The following MTRFR variants were observed in gnomAD, a reference collection of about 807,000 sequenced individuals.
MTRFR encodes probable peptide chain release factor C12orf65, mitochondrial.
Under a neutral mutation model 11.9 loss-of-function variants are expected in MTRFR, and 10 were observed. The ratio of observed to expected loss-of-function variants is 0.84; its 90% CI spans 0.52 to 1.42. MTRFR has a LOEUF of 1.42. MTRFR is among the 40% of genes most tolerant of loss of function. The probability of loss-of-function intolerance (pLI) is 0.00; values close to 1 mark genes in which losing one functional copy is unlikely to be tolerated. For missense variants in MTRFR, 196 were observed against 197.9 expected, an observed-to-expected ratio of 0.99 and a Z score of 0.06; for synonymous variants, 77 against 79.1, an observed-to-expected ratio of 0.97 and a Z score of 0.14.
intron 2 of MTRFR, chr12:123,254,951 G>A (rs977585948): frequency 6.6e-6 from 1 of 151,316 alleles, no homozygotes; most frequent in East Asian, 1.9e-4. Flanking sequence ...AAAAAAAGAA[G>A]GTTGGTCAGA....
Position 123,234,114 on chromosome 12 carries a change from A to G in MTRFR, c.-29+583A>G, listed in dbSNP as rs147761172. Among the ~76,000 whole-genome samples, 160 of 152,038 alleles carry G rather than the reference A, an allele frequency of 1.1e-3. 1 individual carries two copies. The highest frequency in any genetic ancestry group is 6.8e-3 in the Middle Eastern group (2 of 294). On this transcript the variant is annotated intron_variant, in intron 1 of 2. Transcript: ENST00000253233. Reference sequence around the variant, plus strand: ...ACCCAGCCCTACTTTTGAAGGACCAAAGGGAACTCGCTCTCCTCCCCGTGG... The same window carrying G: ...ACCCAGCCCTACTTTTGAAGGACCAGAGGGAACTCGCTCTCCTCCCCGTGG...
At chr12:123,246,981 G>A (rs557394149) in intron 1 of MTRFR, among the ~76,000 whole-genome samples, 12 of 151,582 alleles carry the variant, frequency 7.9e-5, no homozygotes, top group South Asian at 2.1e-4. Flanking sequence ...CACCTGCCTC[G>A]GCCTCCCAAA....
At chr12:123,239,990 C>T (rs1031191438) in intron 1 of MTRFR, among the ~76,000 whole-genome samples, 1 of 152,138 alleles carries the variant, frequency 6.6e-6, no homozygotes, top group Non-Finnish European at 1.5e-5. Flanking sequence ...CTAGCAGCAT[C>T]CTTGTTTAAA....
Position 123,253,663 on chromosome 12 carries a change from G to A in MTRFR, c.-12G>A. The A allele has an allele frequency of 6.2e-7, 1 of 1,614,144 alleles. No individual in the cohort carries two copies. The highest frequency in any genetic ancestry group is 8.5e-7 in the Non-Finnish European group (1 of 1,180,036). On this transcript the variant is annotated 5_prime_UTR_variant, in exon 2 of 3. Coordinates refer to ENST00000253233, the MANE Select transcript of MTRFR (RefSeq NM_152269.5). ...CTAACCCAGGTCCTCAGCCAGCAGA[G>A]CCACGTTCCTTATGAGCACCGTGGG... is the stretch of plus-strand genomic sequence containing the variant.
chr12:123,256,865 T>C lies in MTRFR; in HGVS notation c.335T>C (p.Leu112Pro), dbSNP rs1278716769. The C allele has an allele frequency of 1.2e-6, 2 of 1,613,810 alleles. No individual in the cohort carries two copies. Among genetic ancestry groups the C allele is most frequent in the Non-Finnish European group, 1.7e-6 (2 of 1,179,908 alleles). ...AACAGAAAGCTAGCTCGGAAAATCC[T>C]ACAAGAGAAAGTAGATGTTTTCTAC... is the stretch of plus-strand genomic sequence containing the variant. The part of the protein sequence containing the change: ...DQNRKLARKI[L>P]QEKVDVFYNG... Residue 112 changes from leucine to proline, a missense_variant, in exon 3 of 3, where the codon CTA becomes CCA. Coordinates refer to ENST00000253233, the MANE Select transcript of MTRFR (RefSeq NM_152269.5).
intron 1 of MTRFR, chr12:123,250,559 AG>A (rs1479525210): frequency 1.3e-5 from 2 of 152,198 alleles, no homozygotes; most frequent in Admixed American, 6.5e-5. Flanking sequence ...CTCTTCATGT[AG>A]TACTCTGCCC....
chr12:123,236,331 C>T (rs901700138), intron 1 of MTRFR, among the ~76,000 whole-genome samples: 8 of 152,028 alleles, frequency 5.3e-5, no homozygotes, highest in South Asian at 2.1e-4. Flanking sequence ...TGGTGGCTCA[C>T]GCCTGTAATC....
chr12:123,238,823 A>G (rs1340375566), intron 1 of MTRFR, among the ~76,000 whole-genome samples: 1 of 152,126 alleles, frequency 6.6e-6, no homozygotes, highest in East Asian at 1.9e-4. Flanking sequence ...TTTTGCCACT[A>G]TGTGGACCAC....
intron 1 of MTRFR, chr12:123,252,210 G>C (rs2048121945): frequency 6.6e-6 from 1 of 152,226 alleles, no homozygotes; most frequent in African/African-American, 2.4e-5. Context: ...GAAGCAGGTG[G>C]ATTACTTGAC....
intron 1 of MTRFR, among the ~76,000 whole-genome samples, chr12:123,241,076 T>A (rs1263767979): frequency 6.6e-6 from 1 of 151,664 alleles, no homozygotes; most frequent in Non-Finnish European, 1.5e-5. Context: ...TCTTTACTTC[T>A]CTCCAAAGTG....
rs71085872 is a variant in MTRFR, at chr12:123,253,070, A to AT, written c.-28-540dup. On this transcript the variant is annotated intron_variant, in intron 1 of 2. Transcript: ENST00000253233. ...ATCAAATTACAGTCCGTTCCTTTGA[A>AT]TTTTTTTTTTTTTTTTTTTTTTTTT... is the stretch of plus-strand genomic sequence containing the variant. 2.3e-3 allele frequency among the ~76,000 whole-genome samples: 80 copies of AT among 34,844 alleles called. 32 individuals are homozygous for AT. The highest frequency in any genetic ancestry group is 0.022 in the East Asian group (14 of 650). 22.9% of individuals were successfully genotyped at this position (34,844 alleles called of 152,430 possible).
chr12:123,234,280 T>C (rs1445436448), intron 1 of MTRFR, among the ~76,000 whole-genome samples: 1 of 152,112 alleles, frequency 6.6e-6, no homozygotes, highest in South Asian at 2.1e-4. Flanking sequence ...CACTTAGGCC[T>C]CCACAACCCA....
intron 1 of MTRFR, among the ~76,000 whole-genome samples, chr12:123,240,848 C>T (rs12829456): frequency 0.16 from 24,494 of 150,728 alleles, 2,318 homozygotes; most frequent in Middle Eastern, 0.26. Context: ...ATTCTCCTGC[C>T]TCAGCCTCAG....
At chr12:123,244,930 ATTTTT>A (rs544105176) in intron 1 of MTRFR, among the ~76,000 whole-genome samples, 4 of 65,094 alleles carry the variant, frequency 6.1e-5, no homozygotes, top group African/African-American at 1.0e-4. Context: ...CGCACCCGGC[ATTTTT>A]TTTTTTTTTT....
intron 1 of MTRFR, among the ~76,000 whole-genome samples, chr12:123,237,042 G>A (rs1057457049): frequency 6.6e-6 from 1 of 151,876 alleles, no homozygotes; most frequent in Non-Finnish European, 1.5e-5. Context: ...CTGAGATTGC[G>A]CCACTGCAGT....
chr12:123,240,705 A>T (rs1181614953), intron 1 of MTRFR: 2 of 148,458 alleles, frequency 1.3e-5, no homozygotes, highest in Non-Finnish European at 3.0e-5. Flanking sequence ...AAAATAGATT[A>T]AATATCCTTT....
At chr12:123,240,529 T>A in intron 1 of MTRFR, 1 of 152,038 alleles carries the variant, frequency 6.6e-6, no homozygotes, top group African/African-American at 2.4e-5. Flanking sequence ...TCCGCACCTG[T>A]TCCTTCAGTT....
In MTRFR at chr12:123,253,839, G is replaced by T. The variant is rs566639953; in HGVS notation, c.165G>T (p.Leu55Phe). ...GKKDYPALLS[L>F]DENELEEQFV... ...AGGACTACCCTGCACTGCTTTCCTT[G>T]GATGAGAATGAACTCGAAGAGCAGT... Residue 55 changes from leucine to phenylalanine, a missense_variant, in exon 2 of 3, where the codon TTG becomes TTT. Leu to Phe is a conservative substitution (Grantham distance 22). Transcript: ENST00000253233. 18 of 1,614,186 alleles carry T rather than the reference G, an allele frequency of 1.1e-5. No individual in the cohort carries two copies. The South Asian group carries it at 1.9e-4, about 17-fold the overall frequency.
At chr12:123,247,602 GTATCT>G (rs1413866738) in intron 1 of MTRFR, among the ~76,000 whole-genome samples, 1 of 152,122 alleles carries the variant, frequency 6.6e-6, no homozygotes. Context: ...CTGCAGTTCT[GTATCT>G]TTTAAGTGGA....
Sources: gnomAD v4.1 joint callset for allele counts (sites outside exome capture counted in the v4.1 genomes callset) on GRCh38, gnomAD v4.1.1 for gene constraint, MANE v1.5 for transcripts, NCBI Gene and HGNC (gene_info 2026-07-23, HGNC 2026-07-21) for gene names.